Variants in CORO2B observed in about 807,000 individuals in gnomAD.
CORO2B encodes the protein coronin 2B, also known as coronin-2B.
In CORO2B, 26 loss-of-function variants were observed where a neutral mutation model predicts 58.8. The ratio of observed to expected loss-of-function variants is 0.44; its 90% CI spans 0.32 to 0.61. The LOEUF is 0.61. Among genes scored for constraint, CORO2B ranks in the 20% least tolerant of loss-of-function variants. The probability of loss-of-function intolerance (pLI) is 0.04; values close to 1 mark genes in which losing one functional copy is unlikely to be tolerated. For missense variants in CORO2B, 460 were observed against 645.1 expected (o/e 0.71, Z 3.11); for synonymous variants, 242 against 253.8 (o/e 0.95, Z 0.44).
chr15:68,594,434 A>G (rs534304476), intron 1 of CORO2B, among the ~76,000 whole-genome samples: 1 of 152,348 alleles, frequency 6.6e-6, no homozygotes, highest in South Asian at 2.1e-4. Context: ...CAGGTTCCCC[A>G]GCCCAGGTGA....
intron 2 of CORO2B, among the ~76,000 whole-genome samples, chr15:68,657,306 C>T (rs778810342): frequency 1.3e-5 from 2 of 152,030 alleles, no homozygotes. Flanking sequence ...TGCTTGAGTG[C>T]AGGAGCTTGG....
At chr15:68,675,449 G>A (rs1902549280) in intron 2 of CORO2B, among the ~76,000 whole-genome samples, 1 of 152,160 alleles carries the variant, frequency 6.6e-6, no homozygotes, top group African/African-American at 2.4e-5. Context: ...GGCAGAGGAG[G>A]GGTATCCTGT....
At chr15:68,664,589 G>A (rs58281620) in intron 2 of CORO2B, among the ~76,000 whole-genome samples, 10,822 of 152,144 alleles carry the variant, frequency 0.071, 605 homozygotes, top group African/African-American at 0.16. Context: ...AGATCTTGCA[G>A]TGAGCCAAGA....
In CORO2B at chr15:68,719,529, G is replaced by A. The variant is rs765301537; in HGVS notation, c.1288G>A (p.Val430Ile). 3.1e-6 allele frequency: 5 copies of A among 1,614,078 alleles called. No homozygotes were observed. Among genetic ancestry groups the A allele is most frequent in the Admixed American group, 1.7e-5 (1 of 59,998 alleles). Residue 430 changes from valine to isoleucine, a missense_variant, in exon 11 of 12, where the codon GTC becomes ATC. Val to Ile is a conservative substitution (Grantham distance 29). Coordinates refer to ENST00000261861, the MANE Select transcript of CORO2B (RefSeq NM_006091.5). ...VVNGIDLLEN[V>I]PPRTENELLR... is the part of the protein sequence containing the mutation. ...CAACGGAATAGATTTATTAGAAAAT[G>A]TCCCACCCAGGACAGAGAATGAGGT...
intron 1 of CORO2B, chr15:68,641,488 G>T: frequency 2.0e-6 from 2 of 976,226 alleles, no homozygotes; most frequent in Non-Finnish European, 2.4e-6. Flanking sequence ...AAGGAGCAGG[G>T]AAAAGGAGAA....
At chr15:68,674,067 G>A (rs1202993626) in intron 2 of CORO2B, among the ~76,000 whole-genome samples, 1 of 152,150 alleles carries the variant, frequency 6.6e-6, no homozygotes, top group Non-Finnish European at 1.5e-5. Context: ...GTGAGCTGGG[G>A]TTGACTGGGA....
At chr15:68,546,835 T>C in the CORO2B span, among the ~76,000 whole-genome samples, 5 of 152,274 alleles carry the variant, frequency 3.3e-5, no homozygotes, top group East Asian at 7.7e-4. Flanking sequence ...CTCCATCTCC[T>C]GGCTCTTTAG....
chr15:68,616,289 G>T (rs1413339454), intron 1 of CORO2B, among the ~76,000 whole-genome samples: 1 of 152,148 alleles, frequency 6.6e-6, no homozygotes, highest in Admixed American at 6.5e-5. Flanking sequence ...GGGGGAAAAA[G>T]GGTTAAGAAT....
At chr15:68,625,181 G>T (rs143817037) in intron 1 of CORO2B, among the ~76,000 whole-genome samples, 1 of 151,980 alleles carries the variant, frequency 6.6e-6, no homozygotes, top group Non-Finnish European at 1.5e-5. Context: ...GCCACGCAGG[G>T]TTTAGGAATC....
At chr15:68,527,329 T>C in the CORO2B span, among the ~76,000 whole-genome samples, 4 of 152,212 alleles carry the variant, frequency 2.6e-5, no homozygotes, top group African/African-American at 9.6e-5. Context: ...TTAACAGTTT[T>C]ATCTTCCACC....
the CORO2B span, among the ~76,000 whole-genome samples, chr15:68,572,219 A>G: frequency 6.6e-6 from 1 of 152,242 alleles, no homozygotes; most frequent in Non-Finnish European, 1.5e-5. Context: ...CTGCAGGTTC[A>G]GACTTAGAGG....
intron 1 of CORO2B, among the ~76,000 whole-genome samples, chr15:68,592,667 T>C (rs558270306): frequency 2.8e-4 from 43 of 152,190 alleles, no homozygotes; most frequent in Non-Finnish European, 5.3e-4. Flanking sequence ...ATTCACTCTA[T>C]AAATATTTGT....
chr15:68,717,806 G>A (rs1051934708), intron 8 of CORO2B, among the ~76,000 whole-genome samples: 3 of 152,222 alleles, frequency 2.0e-5, no homozygotes, highest in African/African-American at 7.2e-5. Flanking sequence ...CAGCCCAGAG[G>A]AGGAGAGGCA....
At chr15:68,525,171 C>T in the CORO2B span, among the ~76,000 whole-genome samples, 2 of 152,142 alleles carry the variant, frequency 1.3e-5, no homozygotes, top group African/African-American at 2.4e-5. Context: ...AGCAAACTGA[C>T]ATCATATAAC....
chr15:68,583,396 C>T (rs1353502300), intron 1 of CORO2B, among the ~76,000 whole-genome samples: 7 of 152,180 alleles, frequency 4.6e-5, no homozygotes, highest in African/African-American at 1.4e-4. Flanking sequence ...GAGGGGCTGG[C>T]ACCTCGGTCC....
At chr15:68,648,312 A>G (rs1901519611) in intron 2 of CORO2B, among the ~76,000 whole-genome samples, 1 of 147,524 alleles carries the variant, frequency 6.8e-6, no homozygotes, top group South Asian at 2.2e-4. Flanking sequence ...AGCCTGGGTG[A>G]CAGAACAAGA....
At chr15:68,697,214 TTGGATGGA>T (rs201619943) in intron 3 of CORO2B, among the ~76,000 whole-genome samples, 13 of 148,006 alleles carry the variant, frequency 8.8e-5, no homozygotes, top group Non-Finnish European at 6.0e-5. Context: ...GGATGGATTG[TTGGATGGA>T]TGGATGGATG....
At chr15:68,627,704 A>C (rs933002413) in intron 1 of CORO2B, among the ~76,000 whole-genome samples, 4 of 152,060 alleles carry the variant, frequency 2.6e-5, no homozygotes, top group African/African-American at 9.7e-5. Context: ...CTGACCCTCT[A>C]TGATTGTATT....
chr15:68,577,230 G>GGAA (rs1899305671), upstream of CORO2B, among the ~76,000 whole-genome samples: 2 of 152,300 alleles, frequency 1.3e-5, no homozygotes, highest in South Asian at 4.1e-4. Flanking sequence ...GCAGCAAGTA[G>GGAA]GAATGGACCC....
Sources: gnomAD v4.1 joint callset for allele counts (sites outside exome capture counted in the v4.1 genomes callset) on GRCh38, gnomAD v4.1.1 for gene constraint, MANE v1.5 for transcripts, NCBI Gene and HGNC (gene_info 2026-07-23, HGNC 2026-07-21) for gene names.